The following HDAC4 variants were observed in gnomAD, a reference collection of about 807,000 sequenced individuals.
HDAC4 encodes histone deacetylase 4.
In HDAC4, 16 loss-of-function variants were observed where a neutral mutation model predicts 135.1. That is an observed-to-expected ratio of 0.12 (90% CI 0.08 to 0.18). The LOEUF (loss-of-function observed/expected upper bound fraction) is 0.18, where lower values mean the gene tolerates loss of function less well. Among genes scored for constraint, HDAC4 ranks in the 10% least tolerant of loss-of-function variants. The pLI, the probability that HDAC4 is intolerant of heterozygous loss-of-function variation, is 1.00. For missense variants in HDAC4, 1,143 were observed against 1,511.8 expected, an observed-to-expected ratio of 0.76 and a Z score of 4.05; for synonymous variants, 685 against 653.4, an observed-to-expected ratio of 1.05 and a Z score of -0.74.
At chr2:239,090,575 C>T (rs536405815) in intron 17 of HDAC4, among the ~76,000 whole-genome samples, 5 of 150,068 alleles carry the variant, frequency 3.3e-5, no homozygotes, top group Non-Finnish European at 7.4e-5. Context: ...CCCAGGAGGT[C>T]GAGGCCGCAG....
At chr2:239,326,242 T>C (rs2053466687) in intron 2 of HDAC4, among the ~76,000 whole-genome samples, 1 of 152,092 alleles carries the variant, frequency 6.6e-6, no homozygotes, top group Admixed American at 6.5e-5. Context: ...CCTGACACAT[T>C]ATGCCAAGTG....
At chr2:239,194,967 G>A (rs1400665683) in intron 3 of HDAC4, among the ~76,000 whole-genome samples, 1 of 152,212 alleles carries the variant, frequency 6.6e-6, no homozygotes, top group Non-Finnish European at 1.5e-5. Flanking sequence ...GTCTCCCTAC[G>A]GACATGGAAG....
chr2:239,242,471 TG>T (rs1249106664), intron 2 of HDAC4, among the ~76,000 whole-genome samples: 1 of 152,256 alleles, frequency 6.6e-6, no homozygotes, highest in African/African-American at 2.4e-5. Context: ...TCTGTTTGCT[TG>T]CATATGGAAA....
intron 2 of HDAC4, among the ~76,000 whole-genome samples, chr2:239,316,647 A>T (rs2053126045): frequency 1.3e-5 from 2 of 152,192 alleles, no homozygotes; most frequent in Non-Finnish European, 2.9e-5. Context: ...TGTCCACAGG[A>T]ATGAGCAGGA....
rs751981091 is a variant in HDAC4, at chr2:239,190,084, G to A, written c.95-7C>T. The A allele has an allele frequency of 1.3e-5, 20 of 1,586,436 alleles. 1 individual carries two copies. In the South Asian group the frequency reaches 2.2e-4, roughly 17 times the overall value. On this transcript the variant is annotated splice_polypyrimidine_tract_variant and splice_region_variant and intron_variant, in intron 3 of 26. Transcript: ENST00000543185. The stretch of plus-strand genomic sequence containing the variant: ...AGCGCCGTGGCCACATCCACTGTGG[G>A]AAAAACAAGCAGGAGAGCCGGTCAC...
At chr2:239,261,253 CTAAATGCACT>C (rs1488006093) in intron 2 of HDAC4, among the ~76,000 whole-genome samples, 43 of 152,166 alleles carry the variant, frequency 2.8e-4, no homozygotes, top group African/African-American at 4.8e-5. Context: ...CTGCCGAGGC[CTAAATGCACT>C]TTAGGAACTA....
chr2:239,075,084 C>T (rs1247977428), intron 22 of HDAC4, among the ~76,000 whole-genome samples: 1 of 151,728 alleles, frequency 6.6e-6, no homozygotes, highest in Non-Finnish European at 1.5e-5. Context: ...GTTAGCTGGG[C>T]GTGGTGGCGG....
intron 19 of HDAC4, among the ~76,000 whole-genome samples, chr2:239,085,041 G>GACACACAC (rs139333488): frequency 1.4e-5 from 2 of 138,890 alleles, no homozygotes; most frequent in African/African-American, 5.5e-5. Flanking sequence ...GAGACAGACA[G>GACACACAC]ACACACACAC....
intron 2 of HDAC4, among the ~76,000 whole-genome samples, chr2:239,246,982 A>G (rs1320188053): frequency 1.3e-5 from 2 of 152,232 alleles, no homozygotes; most frequent in Admixed American, 6.5e-5. Context: ...CAGTGGGAGG[A>G]GTCACACACA....
In HDAC4 at chr2:239,352,854, A is replaced by G. The variant is rs1374975447; in HGVS notation, c.-155T>C. ...CGTTCAAGCGCCGAGCCTCGCCGGCAAGGTCTCATGAGCCAGGTAACCCAC... is the reference window on the plus strand; with the variant it reads ...CGTTCAAGCGCCGAGCCTCGCCGGCGAGGTCTCATGAGCCAGGTAACCCAC... On this transcript the variant is annotated 5_prime_UTR_variant, in exon 2 of 27. Transcript: ENST00000543185. This position sits in a 1 kb window ranked among gnomAD's most constrained non-coding sequence, Gnocchi z 4.4. The G allele has an allele frequency of 1.7e-5, 13 of 774,342 alleles. No individual in the cohort carries two copies. The highest frequency in any genetic ancestry group is 3.4e-5 in the African/African-American group (2 of 58,230). 48.0% of individuals were successfully genotyped at this position (774,342 alleles called of 1,614,324 possible).
intron 2 of HDAC4, among the ~76,000 whole-genome samples, chr2:239,282,644 TACAAA>T (rs1559324669): frequency 2.1e-5 from 3 of 142,266 alleles, no homozygotes; most frequent in African/African-American, 8.0e-5. Context: ...CACACCACTC[TACAAA>T]CAATGTACAC....
chr2:239,223,155 T>G (rs988272873), intron 3 of HDAC4, among the ~76,000 whole-genome samples: 2 of 152,260 alleles, frequency 1.3e-5, no homozygotes, highest in Admixed American at 6.5e-5. Flanking sequence ...CAGAATTTCC[T>G]TCTTAGCAAC....
intron 11 of HDAC4, among the ~76,000 whole-genome samples, chr2:239,127,093 G>C (rs1419398513): frequency 6.6e-6 from 1 of 152,234 alleles, no homozygotes; most frequent in Non-Finnish European, 1.5e-5. Flanking sequence ...GGCCACCAGT[G>C]TGCTGAGGAA....
chr2:239,292,323 C>T (rs562792932), intron 2 of HDAC4, among the ~76,000 whole-genome samples: 1 of 152,362 alleles, frequency 6.6e-6, no homozygotes, highest in East Asian at 1.9e-4. Flanking sequence ...CCCTCACTCA[C>T]TGCTCTCTGC....
At chr2:239,191,209 T>G (rs565954113) in intron 3 of HDAC4, among the ~76,000 whole-genome samples, 1 of 152,148 alleles carries the variant, frequency 6.6e-6, no homozygotes, top group African/African-American at 2.4e-5. Flanking sequence ...CAGAGGGGTG[T>G]CTGGGCCAAC....
chr2:239,101,789 G>A (rs1260832691), intron 16 of HDAC4, among the ~76,000 whole-genome samples: 1 of 152,054 alleles, frequency 6.6e-6, no homozygotes, highest in African/African-American at 2.4e-5. Flanking sequence ...TGGGTTCTGT[G>A]CCCTGGAAGC....
intron 3 of HDAC4, among the ~76,000 whole-genome samples, chr2:239,195,177 GGGGAA>G (rs2153057187): frequency 6.6e-6 from 1 of 152,318 alleles, no homozygotes; most frequent in East Asian, 1.9e-4. Context: ...CACTCATTGT[GGGGAA>G]GGGATGTTCA....
intron 2 of HDAC4, among the ~76,000 whole-genome samples, chr2:239,301,479 T>A (rs573117092): frequency 1.3e-5 from 2 of 150,132 alleles, no homozygotes; most frequent in African/African-American, 2.4e-5. Flanking sequence ...TTCTTTTTTT[T>A]TTTTTTTATT....
chr2:239,178,643 T>C (rs2043930780), intron 4 of HDAC4, among the ~76,000 whole-genome samples: 1 of 152,232 alleles, frequency 6.6e-6, no homozygotes, highest in African/African-American at 2.4e-5. Context: ...CTTAGCTTCC[T>C]AAAGCTCTGG....
Sources: gnomAD v4.1 joint callset for allele counts (sites outside exome capture counted in the v4.1 genomes callset) on GRCh38, gnomAD v4.1.1 for gene constraint, Gnocchi (gnomAD v3.1) non-coding constraint, MANE v1.5 for transcripts, NCBI Gene and HGNC (gene_info 2026-07-23, HGNC 2026-07-21) for gene names.